CTNND2: variants seen among roughly 807,000 people sequenced by gnomAD.
CTNND2 encodes catenin delta 2, also known as catenin delta-2.
A neutral mutation model predicts 144.4 loss-of-function variants in CTNND2; 22 were observed. The observed-to-expected ratio is 0.15, with a 90% CI of 0.11 to 0.22. The LOEUF is 0.22. Ranked by LOEUF, CTNND2 falls within the 10% of genes least tolerant of loss-of-function variation. The pLI is 1.00. For missense variants in CTNND2, 1,353 were observed against 1,618.8 expected, an observed-to-expected ratio of 0.84 and a Z score of 2.82; for synonymous variants, 751 against 695.6, an observed-to-expected ratio of 1.08 and a Z score of -1.25.
intron 8 of CTNND2, among the ~76,000 whole-genome samples, chr5:11,352,251 C>A (rs1016997503): frequency 1.3e-5 from 2 of 152,176 alleles, no homozygotes; most frequent in African/African-American, 4.8e-5. Context: ...AACACCAGAA[C>A]AGGCCAAACA....
chr5:11,306,018 G>A (rs1033343545), intron 9 of CTNND2, among the ~76,000 whole-genome samples: 2 of 152,240 alleles, frequency 1.3e-5, no homozygotes, highest in Non-Finnish European at 2.9e-5. Context: ...CAGGTCTTAA[G>A]AGAGTTTTTG....
intron 1 of CTNND2, among the ~76,000 whole-genome samples, chr5:11,810,595 T>C (rs547950143): frequency 2.0e-5 from 3 of 152,208 alleles, no homozygotes; most frequent in Non-Finnish European, 4.4e-5. Flanking sequence ...TTTGCAATTA[T>C]ATCAATTGTG....
chr5:11,619,992 G>T (rs1780756972), intron 2 of CTNND2, among the ~76,000 whole-genome samples: 1 of 152,110 alleles, frequency 6.6e-6, no homozygotes, highest in Non-Finnish European at 1.5e-5. Context: ...TTAAAATAAT[G>T]TATGAAATGC....
At chr5:11,704,368 T>C (rs1307068621) in intron 2 of CTNND2, among the ~76,000 whole-genome samples, 1 of 152,210 alleles carries the variant, frequency 6.6e-6, no homozygotes, top group Non-Finnish European at 1.5e-5. Flanking sequence ...CATTTTTCAC[T>C]TCGGTCAAGA....
At chr5:11,450,822 C>T (rs867540059) in intron 3 of CTNND2, among the ~76,000 whole-genome samples, 2 of 141,414 alleles carry the variant, frequency 1.4e-5, no homozygotes, top group African/African-American at 2.6e-5. Flanking sequence ...CACTTGAACC[C>T]GGGAGGCGGA....
chr5:11,880,936 GCTA>G (rs1417128550), intron 1 of CTNND2, among the ~76,000 whole-genome samples: 79 of 119,814 alleles, frequency 6.6e-4, no homozygotes, highest in Admixed American at 6.4e-3. Flanking sequence ...CACTACTACT[GCTA>G]CTAATACTAC....
At chr5:10,998,788 T>C (rs1470071833) in intron 18 of CTNND2, among the ~76,000 whole-genome samples, 1 of 152,270 alleles carries the variant, frequency 6.6e-6, no homozygotes, top group African/African-American at 2.4e-5. Context: ...GCACATTGTA[T>C]TAACATTACA....
At chr5:11,779,434 C>T (rs1790425347) in intron 1 of CTNND2, among the ~76,000 whole-genome samples, 1 of 152,172 alleles carries the variant, frequency 6.6e-6, no homozygotes, top group Non-Finnish European at 1.5e-5. Flanking sequence ...TGGAAGCAAG[C>T]CCTGTTGACT....
intron 2 of CTNND2, among the ~76,000 whole-genome samples, chr5:11,697,190 C>G (rs1785181827): frequency 6.6e-6 from 1 of 152,202 alleles, no homozygotes; most frequent in South Asian, 2.1e-4. Context: ...GAATTGCTCT[C>G]ACTTTCAACT....
At chr5:11,704,191 C>T (rs1177640656) in intron 2 of CTNND2, among the ~76,000 whole-genome samples, 1 of 152,256 alleles carries the variant, frequency 6.6e-6, no homozygotes, top group Non-Finnish European at 1.5e-5. Context: ...TCCCATCAAT[C>T]TTGTTCCGGC....
At chr5:11,077,004 C>A in intron 16 of CTNND2, among the ~76,000 whole-genome samples, 1 of 152,138 alleles carries the variant, frequency 6.6e-6, no homozygotes, top group Admixed American at 6.5e-5. Context: ...TGATTCTTGG[C>A]TTTTTTAATA....
At chr5:11,467,490 G>C (rs2149947124) in intron 3 of CTNND2, among the ~76,000 whole-genome samples, 1 of 152,262 alleles carries the variant, frequency 6.6e-6, no homozygotes, top group Non-Finnish European at 1.5e-5. Flanking sequence ...CATCGGGCCT[G>C]ATTCTACACA....
At chr5:11,005,442 C>A (rs746777987) in intron 18 of CTNND2, among the ~76,000 whole-genome samples, 1 of 152,074 alleles carries the variant, frequency 6.6e-6, no homozygotes, top group Admixed American at 6.5e-5. Flanking sequence ...AAGATGGTAA[C>A]GTTGATTCCA....
intron 9 of CTNND2, among the ~76,000 whole-genome samples, chr5:11,268,650 T>C (rs1745696313): frequency 6.6e-6 from 1 of 152,018 alleles, no homozygotes; most frequent in Non-Finnish European, 1.5e-5. Context: ...AATATATATA[T>C]AAAGTACTAT....
intron 7 of CTNND2, among the ~76,000 whole-genome samples, chr5:11,365,180 G>A (rs1294702502): frequency 6.6e-6 from 1 of 152,202 alleles, no homozygotes; most frequent in East Asian, 1.9e-4. Context: ...CCTAATGAAT[G>A]TAGCTAGGTT....
intron 3 of CTNND2, among the ~76,000 whole-genome samples, chr5:11,463,119 T>C (rs1194739913): frequency 6.6e-6 from 1 of 152,256 alleles, no homozygotes; most frequent in Non-Finnish European, 1.5e-5. Context: ...GTACTGTAAT[T>C]ATATTGCTTC....
At chr5:11,266,153 T>A (rs1021475774) in intron 9 of CTNND2, among the ~76,000 whole-genome samples, 1 of 152,228 alleles carries the variant, frequency 6.6e-6, no homozygotes. Context: ...AACTACAGCA[T>A]GATGTTGATG....
chr5:11,760,787 C>T (rs778309795), intron 1 of CTNND2, among the ~76,000 whole-genome samples: 1 of 34,956 alleles, frequency 2.9e-5, no homozygotes, highest in Non-Finnish European at 6.2e-5. Context: ...ACGAATACAG[C>T]ATTTATGTAG....
intron 14 of CTNND2, among the ~76,000 whole-genome samples, chr5:11,107,791 G>GCGGAAGA (rs1365630562): frequency 6.6e-5 from 10 of 152,214 alleles, no homozygotes; most frequent in Non-Finnish European, 1.2e-4. Context: ...AGGGAAGACT[G>GCGGAAGA]CGGAAGACGC....
Sources: allele counts gnomAD v4.1 joint callset (sites outside exome capture counted in the v4.1 genomes callset), GRCh38; gene constraint gnomAD v4.1.1; transcripts MANE v1.5; gene names NCBI Gene and HGNC (gene_info 2026-07-23, HGNC 2026-07-21).